The following DRP2 variants were observed in gnomAD, a reference collection of about 807,000 sequenced individuals.
DRP2 encodes the protein dystrophin-related protein 2.
Under a neutral mutation model 78.2 loss-of-function variants are expected in DRP2, and 29 were observed. That is an observed-to-expected ratio of 0.37 (90% CI 0.28 to 0.51). DRP2 has a LOEUF of 0.51. DRP2 is among the 20% of genes least tolerant of loss of function. The pLI, the probability that DRP2 is intolerant of heterozygous loss-of-function variation, is 0.94. For missense variants in DRP2, 686 were observed against 770.6 expected (o/e 0.89, Z 1.30); for synonymous variants, 290 against 281.9 (o/e 1.03, Z -0.29).
intron 17 of DRP2, 51 bp from the exon 18 acceptor site, chrX:101,254,374 G>C: frequency 8.3e-7 from 1 of 1,204,729 alleles, no homozygotes; most frequent in African/African-American, 1.7e-5. Context: ...CACCTGCCCA[G>C]TATATCTGGA....
rs956757164 is a variant in DRP2, at chrX:101,258,580, C to T, written c.2628+34C>T. 4 of 1,127,777 alleles carry T rather than the reference C, an allele frequency of 3.5e-6. No individual in the cohort carries two copies. The African/African-American group carries it at 5.5e-5, about 15-fold the overall frequency. 92.9% of individuals were successfully genotyped at this position (1,127,777 alleles called of 1,213,427 possible). ...GGAGACAGGAAAAGAGCCAGGGTGG[C>T]CTCTGAGCCCAGGGGAAGGGCTGGG... On this transcript the variant is annotated intron_variant, in intron 22 of 23. Transcript: ENST00000395209.
rs1456745248 is a variant in DRP2 at position 101,248,750 on chromosome X, T to G, written c.1540+151T>G. 13 of 507,243 alleles carry G rather than the reference T, an allele frequency of 2.6e-5. No homozygotes were observed. In the East Asian group the frequency reaches 4.4e-4, roughly 17 times the overall value. 41.8% of individuals were successfully genotyped at this position (507,243 alleles called of 1,213,427 possible). A position where few individuals can be genotyped will look rare whatever the true frequency, so the allele number is the denominator to read the frequency against. ...TATGATGCTTCTTGGTTCACACTGT[T>G]GCAAAGAACACATGACAGCCAAAGG... On this transcript the variant is annotated intron_variant, in intron 14 of 23. Coordinates refer to ENST00000395209, the MANE Select transcript of DRP2 (RefSeq NM_001939.3).
intron 14 of DRP2, among the ~76,000 whole-genome samples, chrX:101,249,860 A>G (rs1367670172): frequency 8.9e-6 from 1 of 112,064 alleles, no homozygotes; most frequent in African/African-American, 3.2e-5. Context: ...TAGATTCCAC[A>G]GAGACTTAGA....
At chrX:101,249,561 C>A (rs2238991) in intron 14 of DRP2, among the ~76,000 whole-genome samples, 1 of 110,061 alleles carries the variant, frequency 9.1e-6, no homozygotes, top group African/African-American at 3.3e-5. Context: ...AGTTCAAGTC[C>A]AGCCTAGACA....
Position 101,233,534 on chromosome X carries a change from CTG to C in DRP2, c.117+1773_117+1774del, listed in dbSNP as rs760864520. On this transcript the variant is annotated intron_variant, in intron 3 of 23. Coordinates refer to ENST00000395209, the MANE Select transcript of DRP2 (RefSeq NM_001939.3). ...GAACTGTTGGAAAGCCCAGAAGACT[CTG>C]TGGGAGATAAATAAGGATGGGAACA... is the stretch of plus-strand genomic sequence containing the variant. Among the ~76,000 whole-genome samples the C allele has an allele frequency of 5.9e-4, 66 of 112,269 alleles. 1 individual carries two copies. The highest frequency in any genetic ancestry group is 1.9e-3 in the South Asian group (5 of 2,677).
chrX:101,252,542 A>G (rs1164355007), intron 16 of DRP2, 63 bp from the exon 17 acceptor site: 16 of 905,649 alleles, frequency 1.8e-5, no homozygotes, highest in Non-Finnish European at 2.4e-5. Flanking sequence ...TGTTAGGGGA[A>G]CAGCGGGGAG....
At chrX:101,254,628 G>A in intron 18 of DRP2, 67 bp downstream of exon 18, 1 of 1,190,854 alleles carries the variant, frequency 8.4e-7, no homozygotes, top group Non-Finnish European at 1.1e-6. Context: ...GCTGTGAAGG[G>A]GCTGAGTCCC....
intron 6 of DRP2, among the ~76,000 whole-genome samples, chrX:101,241,203 A>G (rs762294108): frequency 2.7e-5 from 3 of 112,367 alleles, no homozygotes; most frequent in Admixed American, 1.9e-4. Flanking sequence ...GTGGTGGCGG[A>G]TATATAAACC....
At chrX:101,258,699 G>A (rs1341234953) in intron 22 of DRP2, among the ~76,000 whole-genome samples, 153 bp downstream of exon 22, 1 of 109,695 alleles carries the variant, frequency 9.1e-6, no homozygotes, top group East Asian at 2.9e-4. Flanking sequence ...TGCGGTTGGT[G>A]GGGGGGCGGG....
intron 1 of DRP2, among the ~76,000 whole-genome samples, chrX:101,221,828 G>T (rs1227560417): frequency 8.9e-6 from 1 of 112,077 alleles, no homozygotes; most frequent in African/African-American, 3.2e-5. Context: ...TGAAGGCCAA[G>T]AAGATAGTCT....
intron 14 of DRP2, among the ~76,000 whole-genome samples, 160 bp from the exon 15 acceptor site, chrX:101,250,263 G>T (rs987658724): frequency 1.8e-5 from 2 of 111,523 alleles, no homozygotes; most frequent in African/African-American, 3.3e-5. Context: ...TTAGAACTCG[G>T]CTACTAGAAG....
intron 21 of DRP2, among the ~76,000 whole-genome samples, chrX:101,257,429 T>TTAAA (rs1470483081): frequency 1.9e-5 from 1 of 51,447 alleles, no homozygotes; most frequent in Non-Finnish European, 3.7e-5. Flanking sequence ...CAAGGCAAGA[T>TTAAA]AAAAAAAAAA....
At chrX:101,243,282 T>C (rs1432980663) in intron 9 of DRP2, among the ~76,000 whole-genome samples, 1 of 106,589 alleles carries the variant, frequency 9.4e-6, no homozygotes, top group Non-Finnish European at 1.9e-5. Flanking sequence ...AAAAATTAGC[T>C]GGGCATGGTG....
Position 101,222,718 on chromosome X carries a change from A to T in DRP2, c.-166-1886A>T, listed in dbSNP as rs193125461. 6.0e-4 allele frequency among the ~76,000 whole-genome samples: 67 copies of T among 112,501 alleles called. 1 individual carries two copies. The highest frequency in any genetic ancestry group is 2.6e-3 in the South Asian group (7 of 2,705). ...AATGTGTTATGAAATATCTTTGTTC[A>T]TTCAAAAAGGTATAAAAATAATATG... On this transcript the variant is annotated intron_variant, in intron 1 of 23. Coordinates refer to ENST00000395209, the MANE Select transcript of DRP2 (RefSeq NM_001939.3).
chrX:101,254,318 C>A (rs1471958818), intron 17 of DRP2, 107 bp from the exon 18 acceptor site: 33 of 1,010,736 alleles, frequency 3.3e-5, no homozygotes, highest in South Asian at 1.5e-4. Context: ...TGGGCATGAG[C>A]AAGAGTGGAT....
At chrX:101,234,857 G>A (rs934429025) in intron 3 of DRP2, among the ~76,000 whole-genome samples, 1 of 110,739 alleles carries the variant, frequency 9.0e-6, no homozygotes, top group Non-Finnish European at 1.9e-5. Context: ...TTGGGGGCAA[G>A]GGGAGACTAC....
chrX:101,259,861 G>T (rs1923482694), intron 22 of DRP2, among the ~76,000 whole-genome samples, 188 bp from the exon 23 acceptor site: 1 of 112,292 alleles, frequency 8.9e-6, no homozygotes, highest in African/African-American at 3.2e-5. Flanking sequence ...AGAAGGTAAT[G>T]GGTAATTCAA....
intron 6 of DRP2, 97 bp from the exon 7 acceptor site, chrX:101,241,571 C>T: frequency 1.0e-6 from 1 of 962,110 alleles, no homozygotes; most frequent in Non-Finnish European, 1.4e-6. Context: ...TGTGCACACA[C>T]ACATACACAC....
At chrX:101,243,030 C>T (rs748494063) in intron 9 of DRP2, 48 bp downstream of exon 9, 12 of 1,125,366 alleles carry the variant, frequency 1.1e-5, no homozygotes, top group South Asian at 3.7e-5. Flanking sequence ...CAGCCATCTT[C>T]CTGGAGAGTC....
Sources: allele counts gnomAD v4.1 joint callset (sites outside exome capture counted in the v4.1 genomes callset), GRCh38; gene constraint gnomAD v4.1.1; transcripts MANE v1.5; gene names NCBI Gene and HGNC (gene_info 2026-07-23, HGNC 2026-07-21).